The following WWC2 variants were observed in gnomAD, a reference collection of about 807,000 sequenced individuals.
WWC2 encodes WW and C2 domain containing 2.
Under a neutral mutation model 138.5 loss-of-function variants are expected in WWC2, and 101 were observed. That is an observed-to-expected ratio of 0.73 (90% confidence interval 0.62 to 0.86). The LOEUF is 0.86. WWC2 is among the 40% of genes least tolerant of loss of function. The pLI, the probability that WWC2 is intolerant of heterozygous loss-of-function variation, is 0.00. For synonymous variants in WWC2, 558 were observed against 538.4 expected (o/e 1.04, Z -0.50); for missense variants, 1,420 against 1,419.4 (o/e 1.00, Z -0.01).
chr4:183,169,649 A>G (rs1734223682), intron 1 of WWC2, among the ~76,000 whole-genome samples: 2 of 152,142 alleles, frequency 1.3e-5, no homozygotes, highest in African/African-American at 2.4e-5. Context: ...TGGAATGACC[A>G]TGGGATACCT....
intron 2 of WWC2, among the ~76,000 whole-genome samples, chr4:183,203,073 G>A (rs1336058751): frequency 6.6e-6 from 1 of 152,006 alleles, no homozygotes; most frequent in Non-Finnish European, 1.5e-5. Context: ...CAGTTAGACT[G>A]AATACAGGGT....
At chr4:183,128,918 C>G (rs540509313) in intron 1 of WWC2, among the ~76,000 whole-genome samples, 1 of 152,160 alleles carries the variant, frequency 6.6e-6, no homozygotes, top group African/African-American at 2.4e-5. Flanking sequence ...TATAGACTTA[C>G]TAGCTTTTTA....
chr4:183,239,001 C>T (rs923387286), intron 4 of WWC2, among the ~76,000 whole-genome samples: 3 of 152,058 alleles, frequency 2.0e-5, no homozygotes, highest in Non-Finnish European at 2.9e-5. Flanking sequence ...TAAAATATTG[C>T]GCAACAGAAT....
chr4:183,131,207 A>AT (rs1732915169), intron 1 of WWC2, among the ~76,000 whole-genome samples: 4 of 152,154 alleles, frequency 2.6e-5, no homozygotes, highest in African/African-American at 9.6e-5. Flanking sequence ...TTACACGGAA[A>AT]TTAACTCAAA....
intron 1 of WWC2, among the ~76,000 whole-genome samples, chr4:183,115,064 C>G (rs970584371): frequency 6.6e-5 from 10 of 152,096 alleles, no homozygotes; most frequent in Non-Finnish European, 8.8e-5. Context: ...TCTGTTGTTC[C>G]CTTTTAGCTT....
intron 2 of WWC2, 91 bp from the exon 3 acceptor site, chr4:183,207,862 C>A: frequency 8.1e-7 from 1 of 1,231,136 alleles, no homozygotes; most frequent in Non-Finnish European, 1.1e-6. Context: ...TTAGAGGATA[C>A]AAGAACTTAA....
chr4:183,185,763 A>G (rs1734772313), intron 1 of WWC2, among the ~76,000 whole-genome samples: 1 of 152,044 alleles, frequency 6.6e-6, no homozygotes, highest in Admixed American at 6.6e-5. Flanking sequence ...GCTTATTTGG[A>G]GAGGAGTGTT....
chr4:183,156,026 C>A (rs374440578), intron 1 of WWC2, among the ~76,000 whole-genome samples: 1 of 4,598 alleles, frequency 2.2e-4, no homozygotes, highest in African/African-American at 2.7e-4. Flanking sequence ...TTCTTTCTTT[C>A]CTTTTTTTTT....
At chr4:183,204,976 G>T (rs1212418095) in intron 2 of WWC2, among the ~76,000 whole-genome samples, 3 of 152,164 alleles carry the variant, frequency 2.0e-5, no homozygotes, top group Non-Finnish European at 2.9e-5. Context: ...TTATTGTATG[G>T]ATATACCACA....
chr4:183,146,586 G>C (rs371849240), intron 1 of WWC2, among the ~76,000 whole-genome samples: 5 of 152,304 alleles, frequency 3.3e-5, no homozygotes, highest in Admixed American at 6.5e-5. Flanking sequence ...GGACAGGGTG[G>C]GGAAGGATCA....
In WWC2 at chr4:183,282,763, G is replaced by A. The variant is rs575886114; in HGVS notation, c.2740G>A (p.Val914Ile). The change falls in exon 18 of 23, where the codon GTT becomes ATT. Residue 914 changes from valine (V) to isoleucine (I), a missense_variant. Val to Ile is a conservative substitution (Grantham distance 29, BLOSUM62 3). Coordinates refer to ENST00000403733, the MANE Select transcript of WWC2 (RefSeq NM_024949.6). ...DEIVAEKEAE[V>I]KLPEDSSCTE... ...AATTGTGGCTGAAAAAGAGGCTGAA[G>A]TTAAATTGCCAGAGGACAGTAGCTG... The A allele has an allele frequency of 2.0e-4, 313 of 1,580,704 alleles. 3 individuals carry two copies. In the South Asian group the frequency reaches 3.4e-3, roughly 17 times the overall value.
At chr4:183,105,613 G>A (rs956880495) in intron 1 of WWC2, among the ~76,000 whole-genome samples, 2 of 152,180 alleles carry the variant, frequency 1.3e-5, no homozygotes, top group Non-Finnish European at 2.9e-5. Flanking sequence ...TGGACTTGCC[G>A]GGCGCTGTGG....
At chr4:183,310,678 T>TC in intron 21 of WWC2, among the ~76,000 whole-genome samples, 1 of 150,224 alleles carries the variant, frequency 6.7e-6, no homozygotes, top group East Asian at 1.9e-4. Context: ...TTTTTTTTTT[T>TC]TTTTTTCATA....
intron 21 of WWC2, among the ~76,000 whole-genome samples, chr4:183,301,620 A>C (rs1396114303): frequency 6.6e-6 from 1 of 152,226 alleles, no homozygotes; most frequent in East Asian, 1.9e-4. Flanking sequence ...CTGAATAAAG[A>C]GTTTTCATAA....
chr4:183,193,376 T>A (rs1735043231), intron 1 of WWC2, among the ~76,000 whole-genome samples: 3 of 152,216 alleles, frequency 2.0e-5, no homozygotes, highest in Admixed American at 6.5e-5. Flanking sequence ...CCTTTATTTA[T>A]TTAGTGTATA....
At chr4:183,163,414 A>C (rs1381112780) in intron 1 of WWC2, among the ~76,000 whole-genome samples, 1 of 152,208 alleles carries the variant, frequency 6.6e-6, no homozygotes, top group African/African-American at 2.4e-5. Context: ...AGGGGATAGT[A>C]AGAACAGAAC....
chr4:183,277,308 A>T (rs1305745275), intron 16 of WWC2, among the ~76,000 whole-genome samples: 2 of 146,924 alleles, frequency 1.4e-5, no homozygotes, highest in African/African-American at 2.5e-5. Context: ...AAGGACATGA[A>T]CTCATCATTT....
chr4:183,179,010 C>G (rs558410592), intron 1 of WWC2, among the ~76,000 whole-genome samples: 1 of 152,282 alleles, frequency 6.6e-6, no homozygotes, highest in Non-Finnish European at 1.5e-5. Context: ...AAGGGCTAAA[C>G]TGTGATCTAA....
intron 1 of WWC2, among the ~76,000 whole-genome samples, chr4:183,147,213 A>G (rs1033038659): frequency 5.9e-5 from 9 of 152,202 alleles, no homozygotes; most frequent in Non-Finnish European, 7.3e-5. Flanking sequence ...TTCTTGTTCT[A>G]TCCCAGATGC....
Sources: allele counts gnomAD v4.1 joint callset (sites outside exome capture counted in the v4.1 genomes callset), GRCh38; gene constraint gnomAD v4.1.1; transcripts MANE v1.5; gene names NCBI Gene and HGNC (gene_info 2026-07-23, HGNC 2026-07-21).